Variants in ATRNL1 observed in about 807,000 individuals in gnomAD.
ATRNL1 encodes attractin like 1.
Under a neutral mutation model 182.7 loss-of-function variants are expected in ATRNL1, and 95 were observed. That is an observed-to-expected ratio of 0.52 (90% CI 0.44 to 0.62). ATRNL1 has a LOEUF of 0.62. ATRNL1 is among the 20% of genes least tolerant of loss of function. ATRNL1 has a pLI of 0.00. For missense variants in ATRNL1, 1,471 were observed against 1,679.5 expected, an observed-to-expected ratio of 0.88 and a Z score of 2.17; for synonymous variants, 576 against 568.3, an observed-to-expected ratio of 1.01 and a Z score of -0.19.
intron 9 of ATRNL1, among the ~76,000 whole-genome samples, chr10:115,221,798 C>A (rs1554897514): frequency 6.6e-6 from 1 of 152,034 alleles, no homozygotes; most frequent in Non-Finnish European, 1.5e-5. Flanking sequence ...ATTAGCCCAC[C>A]TTTGAATCAT....
intron 25 of ATRNL1, among the ~76,000 whole-genome samples, chr10:115,525,602 A>G (rs1851170806): frequency 6.6e-6 from 1 of 152,176 alleles, no homozygotes; most frequent in Non-Finnish European, 1.5e-5. Flanking sequence ...CTCCTATAAT[A>G]TAAACCATTC....
intron 16 of ATRNL1, among the ~76,000 whole-genome samples, chr10:115,300,803 C>A (rs1258030596): frequency 6.6e-6 from 1 of 152,116 alleles, no homozygotes; most frequent in South Asian, 2.1e-4. Flanking sequence ...TACTTTGACA[C>A]TGTTGTGCAA....
intron 27 of ATRNL1, among the ~76,000 whole-genome samples, chr10:115,776,808 A>G (rs1565369592): frequency 6.6e-6 from 1 of 152,086 alleles, no homozygotes; most frequent in African/African-American, 2.4e-5. Flanking sequence ...ATTCAGTTGT[A>G]TTGGGAATTC....
chr10:115,300,634 AT>A (rs1554924189), intron 16 of ATRNL1, among the ~76,000 whole-genome samples: 1 of 152,170 alleles, frequency 6.6e-6, no homozygotes, highest in African/African-American at 2.4e-5. Flanking sequence ...AAAAAGAAAC[AT>A]TTTTGTTACA....
chr10:115,671,862 G>A (rs1945706610), intron 26 of ATRNL1, among the ~76,000 whole-genome samples: 1 of 152,044 alleles, frequency 6.6e-6, no homozygotes, highest in African/African-American at 2.4e-5. Flanking sequence ...GAAGTTGTGG[G>A]TATTTAGAGT....
intron 19 of ATRNL1, among the ~76,000 whole-genome samples, chr10:115,368,716 ATT>A (rs557325461): frequency 7.2e-5 from 10 of 138,078 alleles, no homozygotes; most frequent in African/African-American, 7.9e-5. Flanking sequence ...ATTCGATTCT[ATT>A]TTTTTTTTTT....
intron 9 of ATRNL1, among the ~76,000 whole-genome samples, chr10:115,225,391 G>A (rs1158193614): frequency 1.3e-5 from 2 of 150,976 alleles, no homozygotes; most frequent in Admixed American, 1.3e-4. Context: ...TTCCCTCTAA[G>A]ATTGGGAATG....
intron 21 of ATRNL1, among the ~76,000 whole-genome samples, chr10:115,456,726 A>G (rs2134508766): frequency 6.6e-6 from 1 of 152,246 alleles, no homozygotes; most frequent in East Asian, 1.9e-4. Flanking sequence ...TTCATCCTCT[A>G]TCCACAGACA....
chr10:115,338,116 A>G (rs1370438984), intron 19 of ATRNL1, among the ~76,000 whole-genome samples: 1 of 152,220 alleles, frequency 6.6e-6, no homozygotes, highest in Non-Finnish European at 1.5e-5. Context: ...GTACCAGTCC[A>G]TACCCAGGGG....
At chr10:115,902,938 C>G (rs1952398422) in intron 28 of ATRNL1, among the ~76,000 whole-genome samples, 1 of 152,184 alleles carries the variant, frequency 6.6e-6, no homozygotes, top group African/African-American at 2.4e-5. Flanking sequence ...GGAAGCCCAG[C>G]TGTCCGTGTC....
chr10:115,255,399 A>G (rs1277827347), intron 10 of ATRNL1, among the ~76,000 whole-genome samples: 5 of 152,132 alleles, frequency 3.3e-5, no homozygotes, highest in African/African-American at 1.2e-4. Flanking sequence ...CTTTGTGGCA[A>G]TGGCGAATGG....
intron 27 of ATRNL1, among the ~76,000 whole-genome samples, chr10:115,776,541 C>T (rs1202816761): frequency 1.4e-5 from 2 of 144,946 alleles, no homozygotes; most frequent in African/African-American, 5.7e-5. Context: ...TGAAGTTTGT[C>T]AGTTTTGGGG....
intron 9 of ATRNL1, among the ~76,000 whole-genome samples, chr10:115,240,801 C>A (rs1592309427): frequency 1.3e-5 from 2 of 151,818 alleles, no homozygotes; most frequent in East Asian, 3.9e-4. Context: ...ATAATATTTT[C>A]TCTCAGAATT....
chr10:115,269,647 A>T (rs1400153263), intron 13 of ATRNL1, among the ~76,000 whole-genome samples: 1 of 152,138 alleles, frequency 6.6e-6, no homozygotes, highest in African/African-American at 2.4e-5. Flanking sequence ...AGATTCTTTC[A>T]TGGGCCTATA....
At position 115,197,058 on chromosome 10, in the gene ATRNL1, A is replaced by C. The variant is rs143516828; in HGVS notation, c.1349-18639A>C. Among the ~76,000 whole-genome samples the C allele has an allele frequency of 6.6e-4, 101 of 152,146 alleles. 1 individual carries two copies. The East Asian group carries it at 0.017, about 26-fold the overall frequency. On this transcript the variant is annotated intron_variant, in intron 8 of 28. Transcript: ENST00000355044. ...GTTGAGGAAATTTACTTTTATTTCT[A>C]GTTTGTTTAGTTTTTTTCATGAACA... is the stretch of plus-strand genomic sequence containing the variant.
intron 26 of ATRNL1, among the ~76,000 whole-genome samples, chr10:115,607,879 C>T (rs1433675905): frequency 4.6e-5 from 7 of 151,844 alleles, no homozygotes; most frequent in Non-Finnish European, 1.0e-4. Flanking sequence ...ATTCCTTCTT[C>T]GTATATGGAA....
intron 8 of ATRNL1, among the ~76,000 whole-genome samples, chr10:115,210,520 C>T (rs1285949125): frequency 1.3e-5 from 2 of 151,894 alleles, no homozygotes; most frequent in Non-Finnish European, 2.9e-5. Context: ...GTTTGTTCTC[C>T]ATTTTATAAT....
intron 26 of ATRNL1, among the ~76,000 whole-genome samples, chr10:115,687,967 C>A (rs782133922): frequency 5.2e-4 from 79 of 152,172 alleles, no homozygotes; most frequent in Non-Finnish European, 1.0e-3. Context: ...CACTCCCCCG[C>A]TCCCCACTGC....
chr10:115,551,894 G>T (rs1853012959), intron 26 of ATRNL1, among the ~76,000 whole-genome samples: 1 of 151,332 alleles, frequency 6.6e-6, no homozygotes, highest in African/African-American at 2.4e-5. Flanking sequence ...AGAAATGGTG[G>T]GGGAGGTGGG....
Sources: allele counts gnomAD v4.1 joint callset (sites outside exome capture counted in the v4.1 genomes callset), GRCh38; gene constraint gnomAD v4.1.1; transcripts MANE v1.5; gene names NCBI Gene and HGNC (gene_info 2026-07-23, HGNC 2026-07-21).